FTO: variants seen among roughly 807,000 people sequenced by gnomAD.
FTO encodes alpha-ketoglutarate-dependent dioxygenase FTO.
Under a neutral mutation model 63.9 loss-of-function variants are expected in FTO, and 47 were observed. The observed-to-expected ratio is 0.74, with a 90% CI of 0.58 to 0.94. The LOEUF is 0.94. Among genes scored for constraint, FTO ranks in the 40% least tolerant of loss-of-function variants. The pLI, the probability that FTO is intolerant of heterozygous loss-of-function variation, is 0.00. For missense variants in FTO, 562 were observed against 618.1 expected (o/e 0.91, Z 0.96); for synonymous variants, 207 against 224.4 (o/e 0.92, Z 0.69).
chr16:53,924,994 T>C (rs1458240853), intron 7 of FTO, among the ~76,000 whole-genome samples: 2 of 151,894 alleles, frequency 1.3e-5, no homozygotes, highest in Non-Finnish European at 2.9e-5. Flanking sequence ...GAGATCGACC[T>C]TTCTTTGATG....
At chr16:53,932,955 G>C (rs915699363) in intron 7 of FTO, among the ~76,000 whole-genome samples, 6 of 152,136 alleles carry the variant, frequency 3.9e-5, no homozygotes, top group African/African-American at 1.4e-4. Flanking sequence ...GGACACCTTG[G>C]TTGACAGTCC....
chr16:53,982,779 T>C (rs1224395846), intron 8 of FTO, among the ~76,000 whole-genome samples: 2 of 152,174 alleles, frequency 1.3e-5, no homozygotes, highest in African/African-American at 2.4e-5. Flanking sequence ...AAGTTTTAAG[T>C]GGGTAAAGCT....
At chr16:53,726,218 C>T (rs2076150442) in intron 1 of FTO, among the ~76,000 whole-genome samples, 1 of 152,134 alleles carries the variant, frequency 6.6e-6, no homozygotes, top group Admixed American at 6.5e-5. Flanking sequence ...TACTGTGTAC[C>T]TAAAGTTACA....
At chr16:53,754,149 C>A (rs751618215) in intron 1 of FTO, among the ~76,000 whole-genome samples, 44 of 151,998 alleles carry the variant, frequency 2.9e-4, no homozygotes, top group Non-Finnish European at 5.3e-4. Context: ...TGATGTAAAC[C>A]CATCCATTTG....
At position 54,113,276 on chromosome 16, in the gene FTO, T is replaced by C. The variant is rs2086928453; in HGVS notation, c.*1361T>C. 8.8e-6 allele frequency: 1 copy of C among 113,040 alleles called. No individual in the cohort carries two copies. Among genetic ancestry groups the C allele is most frequent in the Non-Finnish European group, 1.9e-5 (1 of 51,422 alleles). 7.0% of individuals were successfully genotyped at this position (113,040 alleles called of 1,614,324 possible). On this transcript the variant is annotated 3_prime_UTR_variant, in exon 9 of 9. Coordinates refer to ENST00000471389, the MANE Select transcript of FTO (RefSeq NM_001080432.3). ...TGCCCATTGGTGTCCCAAGAAATCG[T>C]GAGAATAGTTAGCCCCCCGTCTCCC...
intron 5 of FTO, among the ~76,000 whole-genome samples, chr16:53,877,934 A>G (rs1469306656): frequency 1.3e-5 from 2 of 152,230 alleles, no homozygotes; most frequent in Admixed American, 6.5e-5. Flanking sequence ...TTAATAACCT[A>G]TGTAGCTCAC....
chr16:53,876,936 A>C (rs1171442352), intron 5 of FTO, among the ~76,000 whole-genome samples: 12 of 152,356 alleles, frequency 7.9e-5, no homozygotes, highest in South Asian at 2.1e-4. Flanking sequence ...TCACACACAC[A>C]CAAAAAGAAG....
At chr16:53,918,464 A>G (rs1176794063) in intron 7 of FTO, among the ~76,000 whole-genome samples, 1 of 152,258 alleles carries the variant, frequency 6.6e-6, no homozygotes, top group Non-Finnish European at 1.5e-5. Flanking sequence ...GACCACTGTC[A>G]TATATGTGAT....
At chr16:53,721,758 G>C (rs1010842145) in intron 1 of FTO, among the ~76,000 whole-genome samples, 2 of 151,988 alleles carry the variant, frequency 1.3e-5, no homozygotes, top group Non-Finnish European at 2.9e-5. Flanking sequence ...TTCGAATATT[G>C]GTCACCGAAG....
intron 8 of FTO, among the ~76,000 whole-genome samples, chr16:53,960,376 A>T (rs539952490): frequency 6.6e-6 from 1 of 152,328 alleles, no homozygotes; most frequent in Non-Finnish European, 1.5e-5. Flanking sequence ...CGTGCGTGGC[A>T]CTGGTGCAAT....
chr16:53,983,923 T>C (rs1434873012), intron 8 of FTO, among the ~76,000 whole-genome samples: 2 of 152,210 alleles, frequency 1.3e-5, no homozygotes, highest in African/African-American at 4.8e-5. Context: ...TATAAAACAC[T>C]ATTTGAAAAT....
intron 8 of FTO, among the ~76,000 whole-genome samples, chr16:54,074,388 T>C (rs1280615243): frequency 6.6e-6 from 1 of 152,190 alleles, no homozygotes; most frequent in Non-Finnish European, 1.5e-5. Flanking sequence ...CCACCTTGGG[T>C]ACCACTAGGA....
chr16:53,958,804 G>A (rs2082996164), intron 8 of FTO, among the ~76,000 whole-genome samples: 1 of 152,170 alleles, frequency 6.6e-6, no homozygotes, highest in South Asian at 2.1e-4. Flanking sequence ...CTAGGCCGGT[G>A]GATTCACCAT....
chr16:53,752,199 A>G (rs2076813431), intron 1 of FTO, among the ~76,000 whole-genome samples: 1 of 152,264 alleles, frequency 6.6e-6, no homozygotes, highest in Non-Finnish European at 1.5e-5. Context: ...AACAAGGTGT[A>G]GAATACTGTT....
chr16:53,916,283 G>A (rs2081861308), intron 7 of FTO, among the ~76,000 whole-genome samples: 1 of 152,128 alleles, frequency 6.6e-6, no homozygotes, highest in Non-Finnish European at 1.5e-5. Flanking sequence ...GCAGACTGAT[G>A]CCTATTACTG....
At chr16:53,716,840 A>G (rs2075904788) in intron 1 of FTO, among the ~76,000 whole-genome samples, 1 of 151,130 alleles carries the variant, frequency 6.6e-6, no homozygotes, top group Non-Finnish European at 1.5e-5. Context: ...AGAGATAAAT[A>G]CTGTTACTTT....
At chr16:54,092,155 T>A (rs1375081182) in intron 8 of FTO, among the ~76,000 whole-genome samples, 1 of 152,186 alleles carries the variant, frequency 6.6e-6, no homozygotes, top group Non-Finnish European at 1.5e-5. Flanking sequence ...TGATGGCACA[T>A]GCCTGTTGTC....
chr16:53,741,505 A>ATAG (rs1165886391), intron 1 of FTO, among the ~76,000 whole-genome samples: 6 of 152,288 alleles, frequency 3.9e-5, no homozygotes, highest in Non-Finnish European at 7.4e-5. Flanking sequence ...AGTAATAATA[A>ATAG]TAGTAGTAGT....
At chr16:53,852,212 C>A (rs984214804) in intron 4 of FTO, among the ~76,000 whole-genome samples, 2 of 150,726 alleles carry the variant, frequency 1.3e-5, no homozygotes, top group African/African-American at 2.4e-5. Flanking sequence ...GGAGGTTGAG[C>A]CTAAAGGGAA....
Sources: allele counts gnomAD v4.1 joint callset (sites outside exome capture counted in the v4.1 genomes callset), GRCh38; gene constraint gnomAD v4.1.1; transcripts MANE v1.5; gene names NCBI Gene and HGNC (gene_info 2026-07-23, HGNC 2026-07-21).